Variants in ILDR1 observed in about 807,000 individuals in gnomAD.
ILDR1 encodes the protein immunoglobulin like domain containing receptor 1.
Under a neutral mutation model 62.4 loss-of-function variants are expected in ILDR1, and 56 were observed. The observed-to-expected ratio is 0.90, with a 90% CI of 0.72 to 1.12. The LOEUF (loss-of-function observed/expected upper bound fraction) is 1.12. Ranked by LOEUF, ILDR1 falls within the 50% of genes most tolerant of loss-of-function variation. The pLI is 0.00. For missense variants in ILDR1, 736 were observed against 710.6 expected, an observed-to-expected ratio of 1.04 and a Z score of -0.41; for synonymous variants, 284 against 277.8, an observed-to-expected ratio of 1.02 and a Z score of -0.22.
At chr3:121,994,074 C>A in intron 6 of ILDR1, 104 bp from the exon 7 acceptor site, 2 of 1,497,976 alleles carry the variant, frequency 1.3e-6, no homozygotes, top group Non-Finnish European at 1.8e-6. Flanking sequence ...TCCCTCCCAT[C>A]TCCATCATGA....
the ILDR1 span, among the ~76,000 whole-genome samples, chr3:122,043,179 T>C: frequency 7.1e-6 from 1 of 139,924 alleles, no homozygotes; most frequent in Admixed American, 7.2e-5. Flanking sequence ...GGGAATCCTT[T>C]CCCCATTGCT....
At chr3:122,036,790 G>C in the ILDR1 span, among the ~76,000 whole-genome samples, 4 of 152,218 alleles carry the variant, frequency 2.6e-5, no homozygotes, top group Non-Finnish European at 4.4e-5. Flanking sequence ...TTTCATAGCA[G>C]CCACTCCCAT....
At chr3:122,050,959 C>G in the ILDR1 span, among the ~76,000 whole-genome samples, 3 of 152,148 alleles carry the variant, frequency 2.0e-5, no homozygotes, top group African/African-American at 7.2e-5. Flanking sequence ...ATACCTCATC[C>G]CATTCCCTTT....
chr3:122,029,504 T>TAAA, the ILDR1 span, among the ~76,000 whole-genome samples: 458 of 138,512 alleles, frequency 3.3e-3, 5 homozygotes, highest in African/African-American at 0.011. Flanking sequence ...ACACTCCGTC[T>TAAA]AAAAAAAATA....
chr3:122,038,830 A>C, the ILDR1 span, among the ~76,000 whole-genome samples: 1 of 152,306 alleles, frequency 6.6e-6, no homozygotes, highest in South Asian at 2.1e-4. Flanking sequence ...AGATATAAAA[A>C]ATTGCATGGA....
At chr3:122,002,867 G>C (rs1346127317) in intron 3 of ILDR1, among the ~76,000 whole-genome samples, 3 of 152,106 alleles carry the variant, frequency 2.0e-5, no homozygotes, top group Non-Finnish European at 4.4e-5. Context: ...CATCAGGGTG[G>C]ACAGACAACC....
Position 122,001,820 on chromosome 3 carries a change from C to A in ILDR1, c.424G>T (p.Val142Leu). 6.2e-7 allele frequency: 1 copy of A among 1,613,648 alleles called. No homozygotes were observed. Reference sequence around the variant, plus strand: ...GGAGCCTCAATGGTGCAGTAATACACTCCATGGTCCCACCACATCACTTCA... The same window carrying A: ...GGAGCCTCAATGGTGCAGTAATACAATCCATGGTCCCACCACATCACTTCA... ...INEVMWWDHG[V>L]YYCTIEAPGD... Residue 142 changes from valine (V) to leucine (L), a missense_variant, in exon 4 of 8, where the codon GTG becomes TTG. Coordinates refer to ENST00000344209, the MANE Select transcript of ILDR1 (RefSeq NM_001199799.2).
chr3:121,993,368 TC>T lies in ILDR1; in HGVS notation c.1380del (p.Arg461AspfsTer119), dbSNP rs771428050. ...GAGTAGCTGCGGTGCCTGCGTCGTC[TC>T]CCGTGCCTCTGAGTGCTCTCCCGGG... ...PSPRESTQRHGRRRRHRSYSP... is the reference protein window; with the variant it reads ...PSPRESTQRHXRRRRHRSYSP... On this transcript the variant is annotated frameshift_variant, in exon 7 of 8. Coordinates refer to ENST00000344209, the MANE Select transcript of ILDR1 (RefSeq NM_001199799.2). LOFTEE classifies it high-confidence loss of function. 13 of 1,610,308 alleles carry T rather than the reference TC, an allele frequency of 8.1e-6. 1 individual carries two copies. In the South Asian group the frequency reaches 8.8e-5, roughly 11 times the overall value.
chr3:122,017,773 C>T (rs1204168502), intron 1 of ILDR1, among the ~76,000 whole-genome samples: 4 of 152,106 alleles, frequency 2.6e-5, no homozygotes, highest in Admixed American at 2.6e-4. Context: ...ATTTATGCAG[C>T]CAACAGACAT....
intron 1 of ILDR1, among the ~76,000 whole-genome samples, chr3:122,019,890 G>A (rs1471185898): frequency 6.6e-6 from 1 of 152,214 alleles, no homozygotes; most frequent in East Asian, 1.9e-4. Context: ...GCATATCACA[G>A]TTGCAGCGTG....
chr3:121,995,408 C>G (rs1390452335), intron 5 of ILDR1, among the ~76,000 whole-genome samples: 1 of 152,172 alleles, frequency 6.6e-6, no homozygotes, highest in Non-Finnish European at 1.5e-5. Context: ...AAGCTGGCAT[C>G]CTGAACACAG....
chr3:122,047,621 C>A, the ILDR1 span, among the ~76,000 whole-genome samples: 1 of 152,210 alleles, frequency 6.6e-6, no homozygotes, highest in South Asian at 2.1e-4. Context: ...TCGTGGTTCG[C>A]CGTTTTTTAA....
chr3:122,022,314 T>TCC (rs201872983), upstream of ILDR1: 21 of 428,624 alleles, frequency 4.9e-5, no homozygotes, highest in Middle Eastern at 6.1e-4. Context: ...CGTTTCCTGC[T>TCC]CCGCCCCCGC....
At position 121,994,180 on chromosome 3, in the gene ILDR1, A is replaced by G; in HGVS notation, c.778+2T>C. 1 of 1,536,070 alleles carries G rather than the reference A, an allele frequency of 6.5e-7. No homozygotes were observed. Among genetic ancestry groups the G allele is most frequent in the Middle Eastern group, 1.7e-4 (1 of 5,990 alleles). On this transcript the variant is annotated splice_donor_variant, in intron 6 of 7. Coordinates refer to ENST00000344209, the MANE Select transcript of ILDR1 (RefSeq NM_001199799.2). LOFTEE classifies it high-confidence loss of function. ...CTATCCCAAATCTCTGGAAGAGTTT[A>G]CCTCGCTGCAGCAGCGGGTGCATTG...
intron 5 of ILDR1, among the ~76,000 whole-genome samples, chr3:122,000,795 T>C (rs539786691): frequency 1.3e-5 from 2 of 152,186 alleles, no homozygotes; most frequent in Non-Finnish European, 2.9e-5. Flanking sequence ...AGCATCAGAA[T>C]TGAGTTAAAT....
the ILDR1 span, among the ~76,000 whole-genome samples, chr3:122,054,029 C>A: frequency 6.6e-6 from 1 of 152,070 alleles, no homozygotes; most frequent in African/African-American, 2.4e-5. Context: ...TTTTAAAATT[C>A]TCAAATCCAG....
chr3:122,046,534 TC>T, the ILDR1 span, among the ~76,000 whole-genome samples: 2 of 145,662 alleles, frequency 1.4e-5, no homozygotes, highest in South Asian at 2.3e-4. Flanking sequence ...GGTTCCATTC[TC>T]CCCATCACTT....
the ILDR1 span, among the ~76,000 whole-genome samples, chr3:122,042,667 G>A: frequency 1.3e-5 from 2 of 152,268 alleles, no homozygotes; most frequent in South Asian, 2.1e-4. Flanking sequence ...CTGATGGCCA[G>A]TGATGATGAG....
intron 5 of ILDR1, 126 bp from the exon 6 acceptor site, chr3:121,994,439 C>T: frequency 1.7e-6 from 2 of 1,150,246 alleles, no homozygotes; most frequent in Non-Finnish European, 2.4e-6. Flanking sequence ...ACCTATTTTG[C>T]ATGGGAGTAA....
Sources: gnomAD v4.1 joint callset for allele counts (sites outside exome capture counted in the v4.1 genomes callset) on GRCh38, gnomAD v4.1.1 for gene constraint, MANE v1.5 for transcripts, NCBI Gene and HGNC (gene_info 2026-07-23, HGNC 2026-07-21) for gene names.